The following TIPRL variants were observed in gnomAD, a reference collection of about 807,000 sequenced individuals.
TIPRL encodes TIP41-like protein.
TIPRL carries 10 observed loss-of-function variants against 32.3 expected under a neutral mutation model. The ratio of observed to expected loss-of-function variants is 0.31; its 90% confidence interval spans 0.19 to 0.52. The LOEUF is 0.52. Among genes scored for constraint, TIPRL ranks in the 20% least tolerant of loss-of-function variants. The pLI is 0.96. For synonymous variants in TIPRL, 100 were observed against 114.0 expected, an observed-to-expected ratio of 0.88 and a Z score of 0.78; for missense variants, 250 against 328.1, an observed-to-expected ratio of 0.76 and a Z score of 1.84.
chr1:168,184,889 C>T lies in TIPRL; in HGVS notation c.384+11C>T. ...TCTCTTAAGTTAAAGGTAAATCTTACTTTTTTCTTTCATGAGTCATTGATT... is the reference window on the plus strand; with the variant it reads ...TCTCTTAAGTTAAAGGTAAATCTTATTTTTTTCTTTCATGAGTCATTGATT... On this transcript the variant is annotated intron_variant, in intron 3 of 6. Transcript: ENST00000367833. 1 of 1,551,002 alleles carries T rather than the reference C, an allele frequency of 6.4e-7. No individual in the cohort carries two copies. The highest frequency in any genetic ancestry group is 8.9e-7 in the Non-Finnish European group (1 of 1,127,192).
chr1:168,186,000 G>T (rs191992548), intron 3 of TIPRL, among the ~76,000 whole-genome samples: 2 of 139,390 alleles, frequency 1.4e-5, no homozygotes, highest in African/African-American at 2.8e-5. Flanking sequence ...GCTTGAACCC[G>T]GGAGGCAGAG....
chr1:168,201,227 A>G lies in TIPRL; in HGVS notation c.*1181A>G, dbSNP rs151127489. On this transcript the variant is annotated 3_prime_UTR_variant, in exon 7 of 7. Transcript: ENST00000367833. The stretch of plus-strand genomic sequence containing the variant: ...AAGAAATTATTTCAAGTGGATTTTT[A>G]AAAATATTTTTTTGAAGGGCAGGGG... The G allele has an allele frequency of 6.6e-6, 1 of 152,292 alleles. No individual in the cohort carries two copies. Among genetic ancestry groups the G allele is most frequent in the East Asian group, 1.9e-4 (1 of 5,186 alleles). 9.4% of individuals were successfully genotyped at this position (152,292 alleles called of 1,614,324 possible).
At chr1:168,184,199 T>G in intron 2 of TIPRL, 118 bp downstream of exon 2, 1 of 952,560 alleles carries the variant, frequency 1.0e-6, no homozygotes, top group Non-Finnish European at 1.5e-6. Context: ...AGGGCTGGTA[T>G]TATTAAACTT....
chr1:168,185,439 C>G (rs888859402), intron 3 of TIPRL, among the ~76,000 whole-genome samples: 1 of 152,046 alleles, frequency 6.6e-6, no homozygotes, highest in Admixed American at 6.6e-5. Context: ...TTCTAAAGCT[C>G]TATATTAGTA....
intron 1 of TIPRL, among the ~76,000 whole-genome samples, chr1:168,183,070 T>C (rs1351002817): frequency 6.6e-6 from 1 of 152,204 alleles, no homozygotes; most frequent in African/African-American, 2.4e-5. Context: ...GTAATAAATA[T>C]ACAATGTGTG....
intron 3 of TIPRL, among the ~76,000 whole-genome samples, chr1:168,185,940 T>C (rs1339611660): frequency 6.7e-6 from 1 of 149,820 alleles, no homozygotes; most frequent in Non-Finnish European, 1.5e-5. Context: ...CCAGGCATGG[T>C]GGAGCATGCC....
At chr1:168,186,103 A>G (rs1700024793) in intron 3 of TIPRL, among the ~76,000 whole-genome samples, 1 of 139,278 alleles carries the variant, frequency 7.2e-6, no homozygotes, top group Admixed American at 7.5e-5. Flanking sequence ...AAAAAAAAAA[A>G]GAGAGAGATT....
At chr1:168,181,889 C>T (rs1003964591) in intron 1 of TIPRL, among the ~76,000 whole-genome samples, 36 of 150,274 alleles carry the variant, frequency 2.4e-4, no homozygotes, top group African/African-American at 7.6e-4. Flanking sequence ...GGTGTAACCC[C>T]GCCTCTACTA....
rs190317606 is a variant in TIPRL at position 168,184,013 on chromosome 1, G to T, written c.216G>T (p.Ala72=). 5 of 1,614,098 alleles carry T rather than the reference G, an allele frequency of 3.1e-6. No individual in the cohort carries two copies. The highest frequency in any genetic ancestry group is 1.7e-5 in the Admixed American group (1 of 60,018). The change falls in exon 2 of 7, where the codon GCG becomes GCT. Residue 72 remains alanine, a synonymous_variant. Coordinates refer to ENST00000367833, the MANE Select transcript of TIPRL (RefSeq NM_152902.5). ...GFGIEFNATD[A]LRCVNNYQGM... is the part of the protein sequence containing the mutation. ...GAATTGAGTTCAATGCTACAGATGC[G>T]TTAAGATGTGTAAACAACTACCAAG...
intron 3 of TIPRL, among the ~76,000 whole-genome samples, chr1:168,189,412 C>T (rs1335616640): frequency 6.6e-6 from 1 of 152,140 alleles, no homozygotes; most frequent in Non-Finnish European, 1.5e-5. Context: ...ATGGTGTGAT[C>T]TCAGCTCACT....
At chr1:168,187,785 C>A (rs1288131390) in intron 3 of TIPRL, among the ~76,000 whole-genome samples, 1 of 152,024 alleles carries the variant, frequency 6.6e-6, no homozygotes, top group Non-Finnish European at 1.5e-5. Flanking sequence ...CCAGTCTGGG[C>A]AACATGGTGA....
In TIPRL at chr1:168,201,815, A is replaced by C. The variant is rs1020600158; in HGVS notation, c.*1769A>C. The C allele has an allele frequency of 1.9e-5, 2 of 108,090 alleles. No homozygotes were observed. Among genetic ancestry groups the C allele is most frequent in the Non-Finnish European group, 3.8e-5 (2 of 52,102 alleles). The allele number at this position is 108,090 out of a possible 1,614,324, so 6.7% of individuals were successfully genotyped here. On this transcript the variant is annotated 3_prime_UTR_variant, in exon 7 of 7. Coordinates refer to ENST00000367833, the MANE Select transcript of TIPRL (RefSeq NM_152902.5). Reference sequence around the variant, plus strand: ...TGTGTGTGTGTGTGTGTATACAGACATTTTTTTTTTAACTTGTTGATTCAG... The same window carrying C: ...TGTGTGTGTGTGTGTGTATACAGACCTTTTTTTTTTAACTTGTTGATTCAG...
At position 168,200,311 on chromosome 1, in the gene TIPRL, G is replaced by A. The variant is rs991862137; in HGVS notation, c.*265G>A. 2.4e-5 allele frequency: 8 copies of A among 340,000 alleles called. No individual in the cohort carries two copies. Among genetic ancestry groups the A allele is most frequent in the Non-Finnish European group, 3.3e-5 (6 of 182,324 alleles). 21.1% of individuals were successfully genotyped at this position (340,000 alleles called of 1,614,324 possible). A position where few individuals can be genotyped will look rare whatever the true frequency, so the allele number is the denominator to read the frequency against. Reference sequence around the variant, plus strand: ...ATTATCACAAAGTGGGACCTCAGCAGTAGTGATGTGTGTGTCTCATGAGCA... The same window carrying A: ...ATTATCACAAAGTGGGACCTCAGCAATAGTGATGTGTGTGTCTCATGAGCA... On this transcript the variant is annotated 3_prime_UTR_variant, in exon 7 of 7. Transcript: ENST00000367833.
At chr1:168,181,208 A>C (rs1699958232) in intron 1 of TIPRL, among the ~76,000 whole-genome samples, 2 of 131,604 alleles carry the variant, frequency 1.5e-5, no homozygotes, top group African/African-American at 5.7e-5. Flanking sequence ...TTTTTTTCTT[A>C]TTCTTTCTTT....
chr1:168,181,620 A>G (rs192873182), intron 1 of TIPRL, among the ~76,000 whole-genome samples: 1 of 151,072 alleles, frequency 6.6e-6, no homozygotes, highest in Non-Finnish European at 1.5e-5. Flanking sequence ...ACAATATATA[A>G]TTATATTATA....
chr1:168,198,828 A>G (rs1156973648), intron 5 of TIPRL, 91 bp from the exon 6 acceptor site: 6 of 1,117,230 alleles, frequency 5.4e-6, no homozygotes, highest in East Asian at 2.6e-5. Context: ...TTGACAACCT[A>G]TCCTAAAATG....
chr1:168,184,920 G>A (rs1354551104), intron 3 of TIPRL, 42 bp downstream of exon 3: 1 of 1,299,396 alleles, frequency 7.7e-7, no homozygotes, highest in African/African-American at 1.5e-5. Flanking sequence ...TGATTGTCTT[G>A]GACAGTCTGA....
intron 1 of TIPRL, among the ~76,000 whole-genome samples, chr1:168,181,799 T>G (rs1051300540): frequency 6.6e-6 from 1 of 150,476 alleles, no homozygotes; most frequent in African/African-American, 2.4e-5. Context: ...GGTGACTCAC[T>G]CCTGTAATCC....
At chr1:168,198,272 T>C (rs59598633) in intron 5 of TIPRL, among the ~76,000 whole-genome samples, 2,406 of 152,220 alleles carry the variant, frequency 0.016, 56 homozygotes, top group African/African-American at 0.055. Context: ...ACAGTGACTA[T>C]TAATCTGTTT....
Sources: allele counts gnomAD v4.1 joint callset (sites outside exome capture counted in the v4.1 genomes callset), GRCh38; gene constraint gnomAD v4.1.1; transcripts MANE v1.5; gene names NCBI Gene and HGNC (gene_info 2026-07-23, HGNC 2026-07-21).